Variants in ACOXL observed in about 807,000 individuals in gnomAD.
ACOXL encodes the protein acyl-CoA oxidase like, also known as acyl-coenzyme A oxidase-like protein.
In ACOXL, 70 loss-of-function variants were observed where a neutral mutation model predicts 71.9. The observed-to-expected ratio is 0.97, with a 90% CI of 0.80 to 1.19. The LOEUF is 1.19. ACOXL is among the 50% of genes most tolerant of loss of function. ACOXL has a pLI of 0.00. For synonymous variants in ACOXL, 253 were observed against 281.6 expected, an observed-to-expected ratio of 0.90 and a Z score of 1.02; for missense variants, 703 against 736.3, an observed-to-expected ratio of 0.95 and a Z score of 0.52.
chr2:110,768,334 A>C (rs1317468223), intron 1 of ACOXL, 34 bp from the exon 2 acceptor site: 2 of 1,579,012 alleles, frequency 1.3e-6, no homozygotes, highest in Non-Finnish European at 1.7e-6. Context: ...GTCACCAATT[A>C]TTGGCTGTCT....
intron 10 of ACOXL, among the ~76,000 whole-genome samples, chr2:110,902,988 G>A (rs1275707792): frequency 6.6e-6 from 1 of 152,236 alleles, no homozygotes; most frequent in Admixed American, 6.5e-5. Flanking sequence ...TTTATCTACA[G>A]AGGTCAGCAC....
At chr2:110,770,302 G>C (rs1553535629) in intron 2 of ACOXL, among the ~76,000 whole-genome samples, 1 of 152,154 alleles carries the variant, frequency 6.6e-6, no homozygotes, top group Non-Finnish European at 1.5e-5. Context: ...TGGGGGCCTG[G>C]GATCCATGCT....
At chr2:110,832,544 C>CAAAAAAAAAAAAAAA (rs769471148) in intron 9 of ACOXL, among the ~76,000 whole-genome samples, 1 of 44,314 alleles carries the variant, frequency 2.3e-5, no homozygotes, top group African/African-American at 8.5e-5. Context: ...GACTCCATCT[C>CAAAAAAAAAAAAAAA]AAAAAAAAAA....
At chr2:110,896,374 A>G (rs1022979996) in intron 10 of ACOXL, among the ~76,000 whole-genome samples, 1 of 152,202 alleles carries the variant, frequency 6.6e-6, no homozygotes, top group Non-Finnish European at 1.5e-5. Context: ...TTAAGCCCTA[A>G]CATATCAATA....
chr2:111,106,223 T>C lies in ACOXL; in HGVS notation c.1543-11393T>C, dbSNP rs55727409. ...ATATATTCAGTCCATTTTCTGTCTATTATTGAGGTTCAGTAATTTTATTGT... is the reference window on the plus strand; with the variant it reads ...ATATATTCAGTCCATTTTCTGTCTACTATTGAGGTTCAGTAATTTTATTGT... On this transcript the variant is annotated intron_variant, in intron 17 of 17. Coordinates refer to ENST00000439055, the MANE Select transcript of ACOXL (RefSeq NM_001142807.4). Among the ~76,000 whole-genome samples the C allele has an allele frequency of 6.1e-3, 932 of 152,348 alleles. 5 individuals are homozygous for C. Among genetic ancestry groups the C allele is most frequent in the African/African-American group, 0.021 (871 of 41,582 alleles).
At chr2:110,757,886 T>A (rs994917922) in intron 1 of ACOXL, among the ~76,000 whole-genome samples, 1 of 152,200 alleles carries the variant, frequency 6.6e-6, no homozygotes, top group Non-Finnish European at 1.5e-5. Flanking sequence ...CCAGGAGCTC[T>A]TTGGTCTAAT....
chr2:111,037,022 T>G (rs2065547786), intron 15 of ACOXL: 1 of 152,172 alleles, frequency 6.6e-6, no homozygotes, highest in South Asian at 2.1e-4. Context: ...GGATTTTAAT[T>G]TCATGGCACA....
chr2:110,983,957 C>G (rs938811949), intron 12 of ACOXL, among the ~76,000 whole-genome samples: 4 of 152,162 alleles, frequency 2.6e-5, no homozygotes, highest in Non-Finnish European at 4.4e-5. Context: ...TCAAGTGATT[C>G]TCCTGCTTCC....
At chr2:111,040,056 C>T (rs1163614297) in intron 15 of ACOXL, among the ~76,000 whole-genome samples, 1 of 152,168 alleles carries the variant, frequency 6.6e-6, no homozygotes, top group African/African-American at 2.4e-5. Context: ...AAACCCATTC[C>T]AGGCCATGGG....
intron 10 of ACOXL, among the ~76,000 whole-genome samples, chr2:110,856,910 C>T (rs144660217): frequency 6.6e-6 from 1 of 152,210 alleles, no homozygotes; most frequent in Non-Finnish European, 1.5e-5. Flanking sequence ...TTTTCTAAGA[C>T]TCAGATGATG....
intron 14 of ACOXL, among the ~76,000 whole-genome samples, chr2:111,009,523 A>AG (rs1277183277): frequency 7.2e-5 from 11 of 151,952 alleles, no homozygotes. Flanking sequence ...CAAAAAAAAA[A>AG]AAAAAGAAAA....
rs1311614518 is a variant in ACOXL, at chr2:110,848,218, CAA to C, written c.788+6817_788+6818del. 1.6e-4 allele frequency among the ~76,000 whole-genome samples: 25 copies of C among 152,238 alleles called. No individual in the cohort carries two copies. In the South Asian group the frequency reaches 3.9e-3, roughly 24 times the overall value. On this transcript the variant is annotated intron_variant, in intron 10 of 17. Coordinates refer to ENST00000439055, the MANE Select transcript of ACOXL (RefSeq NM_001142807.4). ...TTCCTCCAAATTTTGTAAAAATAAA[CAA>C]AAATGCCTTTCTGCCCTTTTTTCCC...
chr2:111,107,698 C>T (rs1044118614), intron 17 of ACOXL, among the ~76,000 whole-genome samples: 2 of 152,152 alleles, frequency 1.3e-5, no homozygotes, highest in African/African-American at 2.4e-5. Context: ...ATGTTGGTCA[C>T]GCTGGTCTTG....
Position 111,106,448 on chromosome 2 carries a change from A to G in ACOXL, c.1543-11168A>G, listed in dbSNP as rs141489526. Among the ~76,000 whole-genome samples the G allele has an allele frequency of 4.6e-5, 7 of 151,700 alleles. No individual in the cohort carries two copies. In the East Asian group the frequency reaches 7.7e-4, roughly 17 times the overall value. On this transcript the variant is annotated intron_variant, in intron 17 of 17. Transcript: ENST00000439055. ...TTTTTCATTGATTTCAAGTGTGTTT[A>G]TAATTGCTCATTGAAACAGTTTTAT...
chr2:111,035,968 T>C (rs896182423), intron 15 of ACOXL, among the ~76,000 whole-genome samples: 2 of 152,246 alleles, frequency 1.3e-5, no homozygotes, highest in Non-Finnish European at 1.5e-5. Flanking sequence ...CCTCCTCAAA[T>C]GTGCATTACA....
chr2:110,758,782 A>G (rs1202720182), intron 1 of ACOXL, among the ~76,000 whole-genome samples: 1 of 152,144 alleles, frequency 6.6e-6, no homozygotes, highest in African/African-American at 2.4e-5. Context: ...TGTTAACTTG[A>G]GATCTTTCTA....
intron 11 of ACOXL, among the ~76,000 whole-genome samples, chr2:110,932,680 T>G (rs1306203387): frequency 6.6e-6 from 1 of 152,092 alleles, no homozygotes; most frequent in African/African-American, 2.4e-5. Context: ...AGAAAATAAT[T>G]TGGAACCTGA....
intron 16 of ACOXL, among the ~76,000 whole-genome samples, chr2:111,085,289 C>T (rs2149993712): frequency 6.6e-6 from 1 of 152,262 alleles, no homozygotes; most frequent in Admixed American, 6.5e-5. Flanking sequence ...CATCTCATGG[C>T]TACATGGCAC....
intron 10 of ACOXL, among the ~76,000 whole-genome samples, chr2:110,854,123 ATGTG>A (rs1246427680): frequency 3.3e-5 from 5 of 151,772 alleles, no homozygotes; most frequent in Admixed American, 6.6e-5. Context: ...GTGCGTGTGC[ATGTG>A]TGTGTGTGTC....
Sources: allele counts gnomAD v4.1 joint callset (sites outside exome capture counted in the v4.1 genomes callset), GRCh38; gene constraint gnomAD v4.1.1; transcripts MANE v1.5; gene names NCBI Gene and HGNC (gene_info 2026-07-23, HGNC 2026-07-21).